SLC12A8: variants seen among roughly 807,000 people sequenced by gnomAD.
SLC12A8 encodes solute carrier family 12 member 8, also known as cation-chloride cotransporter 9.
In SLC12A8, 69 loss-of-function variants were observed where a neutral mutation model predicts 75.6. That is an observed-to-expected ratio of 0.91 (90% CI 0.75 to 1.11). SLC12A8 has a LOEUF of 1.11. SLC12A8 is among the 50% of genes most tolerant of loss of function. The probability of loss-of-function intolerance (pLI) is 0.00; values close to 1 mark genes in which losing one functional copy is unlikely to be tolerated. For missense variants in SLC12A8, 877 were observed against 896.7 expected, an observed-to-expected ratio of 0.98 and a Z score of 0.28; for synonymous variants, 365 against 372.8, an observed-to-expected ratio of 0.98 and a Z score of 0.24.
intron 12 of SLC12A8, among the ~76,000 whole-genome samples, chr3:125,090,730 G>A (rs559653734): frequency 6.6e-6 from 1 of 152,066 alleles, no homozygotes; most frequent in Non-Finnish European, 1.5e-5. Flanking sequence ...TGTTAATATA[G>A]CTACCCTGCT....
intron 5 of SLC12A8, among the ~76,000 whole-genome samples, chr3:125,150,699 G>A (rs1933898936): frequency 6.6e-6 from 1 of 152,190 alleles, no homozygotes; most frequent in South Asian, 2.1e-4. Flanking sequence ...ACTCCTTGCA[G>A]TGCGATTCTT....
Position 125,120,681 on chromosome 3 carries a change from T to C in SLC12A8, c.742A>G (p.Met248Val), listed in dbSNP as rs1323660063. ...TCGCCCCCCATGTTGAAGCCGGCCATGACTCCTGAAAGACACCCAGATGGG... is the reference window on the plus strand; with the variant it reads ...TCGCCCCCCATGTTGAAGCCGGCCACGACTCCTGAAAGACACCCAGATGGG... Reference protein sequence around the residue: ...GVFFPAATGVMAGFNMGGDLR... With the variant: ...GVFFPAATGVVAGFNMGGDLR... Residue 248 changes from methionine (M) to valine (V), a missense_variant, in exon 7 of 14, where the codon ATG becomes GTG. Coordinates refer to ENST00000469902, the MANE Select transcript of SLC12A8 (RefSeq NM_024628.6). The C allele has an allele frequency of 2.5e-6, 4 of 1,613,506 alleles. No homozygotes were observed. The highest frequency in any genetic ancestry group is 3.4e-6 in the Non-Finnish European group (4 of 1,179,728).
chr3:125,202,627 C>T (rs867135922), intron 2 of SLC12A8, among the ~76,000 whole-genome samples: 1 of 130,246 alleles, frequency 7.7e-6, no homozygotes, highest in African/African-American at 2.8e-5. Context: ...ATGTATTAAC[C>T]ATGTTTTTTT....
intron 5 of SLC12A8, among the ~76,000 whole-genome samples, chr3:125,141,849 A>G (rs1933647766): frequency 1.3e-5 from 2 of 151,328 alleles, no homozygotes; most frequent in Admixed American, 1.3e-4. Context: ...GCGCGGAGGA[A>G]GGGCTCCGGA....
chr3:125,128,177 A>ATTTTTTT (rs776219498), intron 6 of SLC12A8, among the ~76,000 whole-genome samples: 2 of 98,314 alleles, frequency 2.0e-5, no homozygotes, highest in Non-Finnish European at 4.4e-5. Context: ...GCCTAAGCTT[A>ATTTTTTT]TTTTTATTTT....
intron 6 of SLC12A8, chr3:125,123,455 TAA>T (rs1247043973): frequency 6.8e-6 from 1 of 147,728 alleles, no homozygotes; most frequent in Non-Finnish European, 1.5e-5. Flanking sequence ...CTTCATAAAA[TAA>T]AAAAGTTATC....
intron 2 of SLC12A8, among the ~76,000 whole-genome samples, chr3:125,194,369 G>A (rs1340199605): frequency 6.6e-6 from 1 of 151,916 alleles, no homozygotes; most frequent in Non-Finnish European, 1.5e-5. Context: ...TGCCTGGTGG[G>A]TGTTTTTAGT....
intron 10 of SLC12A8, among the ~76,000 whole-genome samples, chr3:125,101,019 C>CA (rs59602383): frequency 0.76 from 65,904 of 86,794 alleles, 24,695 homozygotes; most frequent in Middle Eastern, 0.8. Context: ...GACTCCGTCT[C>CA]AAAAAAAAAA....
chr3:125,186,085 A>T (rs574805287), intron 4 of SLC12A8, among the ~76,000 whole-genome samples: 8 of 152,214 alleles, frequency 5.3e-5, no homozygotes, highest in Non-Finnish European at 1.0e-4. Context: ...TGGTGTCTGT[A>T]CCGAGAGGGG....
In SLC12A8 at chr3:125,118,779, A is replaced by T. The variant is rs1391662825; in HGVS notation, c.902T>A (p.Ile301Lys). 4 of 1,613,210 alleles carry T rather than the reference A, an allele frequency of 2.5e-6. No homozygotes were observed. The African/African-American group carries it at 5.3e-5, about 22-fold the overall frequency. ...TREALRYDFL[I>K]AEKVSLMGFL... Reference sequence around the variant, plus strand: ...GCAGGCCTCACTCACCTTTTCCGCTATCAGGAAGTCATAGCGAAGGGCCTC... The same window carrying T: ...GCAGGCCTCACTCACCTTTTCCGCTTTCAGGAAGTCATAGCGAAGGGCCTC... The change falls in exon 8 of 14, where the codon ATA becomes AAA. Residue 301 changes from isoleucine to lysine, a missense_variant. Coordinates refer to ENST00000469902, the MANE Select transcript of SLC12A8 (RefSeq NM_024628.6).
intron 6 of SLC12A8, among the ~76,000 whole-genome samples, chr3:125,131,048 G>T (rs1933344507): frequency 6.6e-6 from 1 of 152,252 alleles, no homozygotes; most frequent in Non-Finnish European, 1.5e-5. Flanking sequence ...TTCAATTTGT[G>T]TGTGGAAGGA....
chr3:125,205,469 T>C (rs914905314), intron 2 of SLC12A8, among the ~76,000 whole-genome samples: 11 of 152,102 alleles, frequency 7.2e-5, no homozygotes, highest in Non-Finnish European at 1.5e-5. Flanking sequence ...TTTTTACAAA[T>C]ATGCAGCATT....
At chr3:125,152,713 G>A (rs1269313554) in intron 5 of SLC12A8, among the ~76,000 whole-genome samples, 1 of 152,146 alleles carries the variant, frequency 6.6e-6, no homozygotes, top group Non-Finnish European at 1.5e-5. Context: ...ACTCTTCCAG[G>A]AGGGTATTTC....
chr3:125,138,251 A>G (rs1056626531), intron 5 of SLC12A8, among the ~76,000 whole-genome samples: 8 of 152,034 alleles, frequency 5.3e-5, no homozygotes, highest in Non-Finnish European at 7.4e-5. Flanking sequence ...AAATACAAAA[A>G]TTAGCCGGCC....
At chr3:125,098,653 A>G (rs1938782217) in intron 10 of SLC12A8, among the ~76,000 whole-genome samples, 1 of 152,060 alleles carries the variant, frequency 6.6e-6, no homozygotes, top group Non-Finnish European at 1.5e-5. Flanking sequence ...GAAATTTACC[A>G]GATGAAGAAA....
intron 3 of SLC12A8, among the ~76,000 whole-genome samples, chr3:125,187,827 T>G (rs773903086): frequency 3.3e-5 from 5 of 151,368 alleles, no homozygotes; most frequent in Non-Finnish European, 5.9e-5. Flanking sequence ...TTTGTCAGGT[T>G]AACTCCAGCA....
chr3:125,118,768 C>A lies in SLC12A8; in HGVS notation c.912+1G>T, dbSNP rs777470816. On this transcript the variant is annotated splice_donor_variant, in intron 8 of 13. Transcript: ENST00000469902. LOFTEE classifies it high-confidence loss of function. ...CTTGGAGTAGCGCAGGCCTCACTCA[C>A]CTTTTCCGCTATCAGGAAGTCATAG... 9.9e-6 allele frequency: 16 copies of A among 1,612,430 alleles called. No homozygotes were observed. Among genetic ancestry groups the A allele is most frequent in the African/African-American group, 8.0e-5 (6 of 74,874 alleles).
At chr3:125,176,690 A>G (rs1934535965) in intron 5 of SLC12A8, among the ~76,000 whole-genome samples, 1 of 152,052 alleles carries the variant, frequency 6.6e-6, no homozygotes, top group African/African-American at 2.4e-5. Context: ...TTCTCAAAAG[A>G]AGACATTTAT....
At chr3:125,124,811 G>A (rs189628132) in intron 6 of SLC12A8, among the ~76,000 whole-genome samples, 3 of 152,180 alleles carry the variant, frequency 2.0e-5, no homozygotes, top group African/African-American at 4.8e-5. Context: ...AAGTGTCACA[G>A]AAATTCTCTA....
Sources: gnomAD v4.1 joint callset for allele counts (sites outside exome capture counted in the v4.1 genomes callset) on GRCh38, gnomAD v4.1.1 for gene constraint, MANE v1.5 for transcripts, NCBI Gene and HGNC (gene_info 2026-07-23, HGNC 2026-07-21) for gene names.